Variants in XG observed in about 807,000 individuals in gnomAD.
The protein encoded by XG is Xg glycoprotein (Xg blood group), also known as glycoprotein Xg.
A neutral mutation model predicts 25.7 loss-of-function variants in XG; 24 were observed. The observed-to-expected ratio is 0.93, with a 90% CI of 0.68 to 1.31. The LOEUF (loss-of-function observed/expected upper bound fraction) is 1.31, where lower values mean the gene tolerates loss of function less well. Ranked by LOEUF, XG falls within the 40% of genes most tolerant of loss-of-function variation. XG has a pLI of 0.00. For missense variants in XG, 181 were observed against 187.6 expected (o/e 0.96, Z 0.21); for synonymous variants, 77 against 69.2 (o/e 1.11, Z -0.56).
intron 7 of XG, among the ~76,000 whole-genome samples, chrX:2,798,456 G>T (rs1442061137): frequency 9.8e-6 from 1 of 101,882 alleles, no homozygotes; most frequent in Non-Finnish European, 2.0e-5. Context: ...CTGCAACCTT[G>T]GCCTCCCGGG....
intron 1 of XG, among the ~76,000 whole-genome samples, chrX:2,758,445 C>G (rs2050484737): frequency 6.6e-6 from 1 of 152,212 alleles, no homozygotes; most frequent in South Asian, 2.1e-4. Context: ...GATGATGACT[C>G]CGTGTGCAAC....
intron 8 of XG, among the ~76,000 whole-genome samples, chrX:2,807,908 C>T (rs149694418): frequency 8.9e-5 from 10 of 111,826 alleles, no homozygotes; most frequent in African/African-American, 2.9e-4. Flanking sequence ...GTTTTGCATG[C>T]GCATGTATGT....
intron 5 of XG, among the ~76,000 whole-genome samples, chrX:2,790,165 C>A: frequency 9.0e-6 from 1 of 111,719 alleles, no homozygotes; most frequent in Non-Finnish European, 1.9e-5. Flanking sequence ...CAGGCACCAG[C>A]TATTGTGGCC....
At chrX:2,782,627 T>A (rs1273639378) in intron 4 of XG, among the ~76,000 whole-genome samples, 14 of 111,143 alleles carry the variant, frequency 1.3e-4, no homozygotes, top group Admixed American at 5.8e-4. Flanking sequence ...TGTTTTCTGT[T>A]CCTGGGTGGA....
At chrX:2,801,770 G>A (rs1389498214) in intron 7 of XG, among the ~76,000 whole-genome samples, 11 of 110,626 alleles carry the variant, frequency 9.9e-5, no homozygotes, top group South Asian at 3.8e-4. Flanking sequence ...GTGCAGTGGC[G>A]TCATCTCGGC....
chrX:2,775,434 C>T (rs1247469144), intron 3 of XG, among the ~76,000 whole-genome samples: 2 of 152,114 alleles, frequency 1.3e-5, no homozygotes, highest in Non-Finnish European at 2.9e-5. Flanking sequence ...AGGTGAATCC[C>T]TAGAACCAGA....
At position 2,752,332 on chromosome X, in the gene XG, C is replaced by T. The variant is rs201441238; in HGVS notation, c.58C>T (p.Arg20Ter). The T allele has an allele frequency of 3.7e-5, 60 of 1,613,038 alleles. No homozygotes were observed. Among genetic ancestry groups the T allele is most frequent in the Middle Eastern group, 1.8e-4 (1 of 5,510 alleles). Residue 20 changes from arginine (R) to a stop codon, truncating the protein, a stop_gained, in exon 1 of 11, where the codon CGA becomes TGA. Coordinates refer to ENST00000644266, the MANE Select transcript of XG (RefSeq NM_001141919.2). LOFTEE classifies it high-confidence loss of function. ...GTTCCTGTGTTTTCTAATGCACGCC[C>T]GAGGTAAGAGGCATTTTGCTTTGAG... ...LAFLCFLMHARGQRDFDLADA... is the reference protein window; with the variant it reads ...LAFLCFLMHA
At chrX:2,788,147 G>A (rs1319696922) in intron 4 of XG, among the ~76,000 whole-genome samples, 1 of 112,025 alleles carries the variant, frequency 8.9e-6, no homozygotes, top group Non-Finnish European at 1.9e-5. Context: ...GTCATTCTCA[G>A]CCCAGATTTC....
intron 1 of XG, among the ~76,000 whole-genome samples, chrX:2,754,432 TC>T (rs1199243294): frequency 3.3e-5 from 5 of 152,310 alleles, no homozygotes; most frequent in Non-Finnish European, 7.4e-5. Context: ...CGGCAGCACT[TC>T]CTATGCACTA....
chrX:2,813,923 G>T (rs2087080573), intron 10 of XG, among the ~76,000 whole-genome samples: 1 of 112,347 alleles, frequency 8.9e-6, no homozygotes, highest in South Asian at 3.7e-4. Context: ...TTCCAGATAT[G>T]ATTTTAACAG....
intron 4 of XG, among the ~76,000 whole-genome samples, chrX:2,786,260 C>CT (rs1179667048): frequency 0.071 from 4,295 of 60,539 alleles, 705 homozygotes; most frequent in African/African-American, 0.28. Flanking sequence ...TCCATGTTGT[C>CT]TTTTTTTTTT....
chrX:2,795,217 AT>A (rs1293662369), intron 6 of XG, among the ~76,000 whole-genome samples: 11 of 78,749 alleles, frequency 1.4e-4, no homozygotes, highest in African/African-American at 5.1e-4. Context: ...ATATGCAGAT[AT>A]ATGCTTTTTA....
intron 10 of XG, among the ~76,000 whole-genome samples, chrX:2,813,778 G>A (rs757708404): frequency 8.9e-6 from 1 of 112,049 alleles, no homozygotes; most frequent in Non-Finnish European, 1.9e-5. Context: ...GACCAACAAG[G>A]CCATATTCGA....
intron 5 of XG, among the ~76,000 whole-genome samples, chrX:2,790,267 G>A (rs985400560): frequency 3.6e-5 from 4 of 110,812 alleles, no homozygotes; most frequent in African/African-American, 9.8e-5. Flanking sequence ...TTGGGAAGCC[G>A]AGGTGGGCGG....
intron 1 of XG, among the ~76,000 whole-genome samples, chrX:2,765,899 G>C (rs1284504655): frequency 1.3e-5 from 2 of 152,240 alleles, no homozygotes; most frequent in African/African-American, 4.8e-5. Flanking sequence ...GAAAATCATG[G>C]ACATGAAGCA....
chrX:2,759,981 G>A (rs1277774124), intron 1 of XG, among the ~76,000 whole-genome samples: 1 of 152,060 alleles, frequency 6.6e-6, no homozygotes, highest in Non-Finnish European at 1.5e-5. Flanking sequence ...TCTGGAATCT[G>A]CATGTGGCTG....
intron 1 of XG, among the ~76,000 whole-genome samples, chrX:2,754,833 G>A (rs753434228): frequency 8.5e-5 from 13 of 152,246 alleles, no homozygotes; most frequent in African/African-American, 2.9e-4. Context: ...GGGTGGGTCC[G>A]CCCCTTCCAG....
intron 5 of XG, among the ~76,000 whole-genome samples, chrX:2,793,194 C>G (rs1265989333): frequency 1.8e-5 from 2 of 111,916 alleles, no homozygotes; most frequent in African/African-American, 6.5e-5. Context: ...GCTTGCATTT[C>G]ACACGTTTAA....
intron 1 of XG, among the ~76,000 whole-genome samples, chrX:2,760,390 C>G (rs1467285575): frequency 1.3e-5 from 2 of 151,840 alleles, no homozygotes; most frequent in Admixed American, 6.6e-5. Context: ...AAATGGAAGT[C>G]CTAACCTGCA....
Sources: gnomAD v4.1 joint callset for allele counts (sites outside exome capture counted in the v4.1 genomes callset) on GRCh38, gnomAD v4.1.1 for gene constraint, MANE v1.5 for transcripts, NCBI Gene and HGNC (gene_info 2026-07-23, HGNC 2026-07-21) for gene names.